The following PARN variants were observed in gnomAD, a reference collection of about 807,000 sequenced individuals.
The protein encoded by PARN is poly(A)-specific ribonuclease.
Under a neutral mutation model 102.8 loss-of-function variants are expected in PARN, and 71 were observed. That is an observed-to-expected ratio of 0.69 (90% confidence interval 0.57 to 0.84). The LOEUF is 0.84. PARN is among the 40% of genes least tolerant of loss of function. PARN has a pLI of 0.00. For synonymous variants in PARN, 261 were observed against 252.9 expected, an observed-to-expected ratio of 1.03 and a Z score of -0.30; for missense variants, 782 against 760.9, an observed-to-expected ratio of 1.03 and a Z score of -0.33.
intron 22 of PARN, among the ~76,000 whole-genome samples, chr16:14,460,746 T>C (rs954043239): frequency 6.6e-6 from 1 of 152,234 alleles, no homozygotes; most frequent in African/African-American, 2.4e-5. Flanking sequence ...ATAAAACTTA[T>C]GTCTATATAA....
At chr16:14,620,311 A>G (rs1488040106) in intron 5 of PARN, among the ~76,000 whole-genome samples, 1 of 152,172 alleles carries the variant, frequency 6.6e-6, no homozygotes. Flanking sequence ...AGGGAGGCGG[A>G]GCTTGCAGTG....
chr16:14,604,043 T>C (rs1431345891), intron 11 of PARN, 103 bp downstream of exon 11: 1 of 777,972 alleles, frequency 1.3e-6, no homozygotes, highest in Non-Finnish European at 2.2e-6. Context: ...GAAAGAAAAC[T>C]ATTCATTAAA....
At chr16:14,547,886 T>A (rs373528699) in intron 21 of PARN, among the ~76,000 whole-genome samples, 2 of 152,128 alleles carry the variant, frequency 1.3e-5, no homozygotes, top group African/African-American at 4.8e-5. Context: ...ATTTTCTCAA[T>A]GTTACATTAT....
At chr16:14,457,569 G>C (rs1255686040) in intron 22 of PARN, among the ~76,000 whole-genome samples, 2 of 151,990 alleles carry the variant, frequency 1.3e-5, no homozygotes, top group Admixed American at 6.6e-5. Flanking sequence ...GGAGGCCGAG[G>C]TGGGCAGATC....
intron 21 of PARN, among the ~76,000 whole-genome samples, chr16:14,542,049 G>T (rs1173835332): frequency 6.6e-6 from 1 of 152,092 alleles, no homozygotes; most frequent in African/African-American, 2.4e-5. Flanking sequence ...CTGTCACCCA[G>T]GCTGGAGTGC....
intron 16 of PARN, 69 bp from the exon 17 acceptor site, chr16:14,582,360 A>G: frequency 1.0e-6 from 1 of 982,576 alleles, no homozygotes; most frequent in African/African-American, 1.6e-5. Context: ...ACCAATCAAA[A>G]TTGCATTAGC....
At chr16:14,531,534 C>T (rs572976976) in intron 21 of PARN, among the ~76,000 whole-genome samples, 1 of 152,256 alleles carries the variant, frequency 6.6e-6, no homozygotes, top group South Asian at 2.1e-4. Flanking sequence ...TGGCAGGTTC[C>T]CAGATAAATT....
chr16:14,552,743 G>GT (rs1336816983), intron 20 of PARN, among the ~76,000 whole-genome samples: 1 of 152,164 alleles, frequency 6.6e-6, no homozygotes, highest in Non-Finnish European at 1.5e-5. Flanking sequence ...GAGGTCAGGA[G>GT]TTTGAGACCA....
intron 21 of PARN, among the ~76,000 whole-genome samples, chr16:14,519,472 C>T (rs1965628738): frequency 6.6e-6 from 1 of 152,020 alleles, no homozygotes; most frequent in South Asian, 2.1e-4. Context: ...TGCCATTTTC[C>T]TTGAAAGGAA....
chr16:14,540,489 A>T (rs868650273), intron 21 of PARN, among the ~76,000 whole-genome samples: 2 of 152,132 alleles, frequency 1.3e-5, no homozygotes, highest in Admixed American at 1.3e-4. Flanking sequence ...GATATAATAC[A>T]TATATATATC....
intron 22 of PARN, among the ~76,000 whole-genome samples, chr16:14,451,876 A>C: frequency 2.6e-5 from 3 of 113,366 alleles, no homozygotes; most frequent in Non-Finnish European, 3.6e-5. Flanking sequence ...ATACAAAAAA[A>C]AAAAAAAAAA....
rs1415390022 is a variant in PARN at position 14,630,110 on chromosome 16, T to A, written c.16A>T (p.Ser6Cys). 1 of 1,561,770 alleles carries A rather than the reference T, an allele frequency of 6.4e-7. No homozygotes were observed. Among genetic ancestry groups the A allele is most frequent in the Admixed American group, 1.9e-5 (1 of 52,488 alleles). Residue 6 changes from serine to cysteine, a missense_variant, in exon 1 of 24, where the codon AGC becomes TGC. Ser to Cys is a moderately radical substitution (Grantham distance 112, BLOSUM62 -1). Coordinates refer to ENST00000437198, the MANE Select transcript of PARN (RefSeq NM_002582.4). Reference protein sequence around the residue: MEIIRSNFKSNLHKVY... With the variant: MEIIRCNFKSNLHKVY... ...GAGGTGTACGGCGGACACGCACTGCTCCTGATTATCTCCATTCTGCAGAGT... is the reference window on the plus strand; with the variant it reads ...GAGGTGTACGGCGGACACGCACTGCACCTGATTATCTCCATTCTGCAGAGT...
chr16:14,593,548 G>A (rs1970331532), intron 12 of PARN, among the ~76,000 whole-genome samples, 170 bp from the exon 13 acceptor site: 1 of 146,412 alleles, frequency 6.8e-6, no homozygotes, highest in South Asian at 2.2e-4. Flanking sequence ...ATTTGGGCTG[G>A]CTTCATTCCT....
chr16:14,532,349 G>T (rs1596594050), intron 21 of PARN, among the ~76,000 whole-genome samples: 1 of 151,470 alleles, frequency 6.6e-6, no homozygotes, highest in Non-Finnish European at 1.5e-5. Context: ...GTGTCCCTGG[G>T]TACTTGAGAT....
intron 5 of PARN, among the ~76,000 whole-genome samples, chr16:14,624,437 CT>C (rs1972513736): frequency 6.6e-6 from 1 of 152,172 alleles, no homozygotes; most frequent in African/African-American, 2.4e-5. Context: ...TTTTATTCAT[CT>C]GTTTTAGACA....
intron 10 of PARN, among the ~76,000 whole-genome samples, chr16:14,605,785 A>C (rs938073859): frequency 3.3e-5 from 5 of 152,234 alleles, no homozygotes; most frequent in Admixed American, 6.5e-5. Context: ...CTGTGTACTC[A>C]GGACAATAGC....
intron 21 of PARN, among the ~76,000 whole-genome samples, chr16:14,500,770 C>T (rs1964545586): frequency 6.6e-6 from 1 of 152,166 alleles, no homozygotes; most frequent in Non-Finnish European, 1.5e-5. Flanking sequence ...CTGAAAGCAG[C>T]TTTCATGGAA....
At chr16:14,516,826 C>A (rs1596554578) in intron 21 of PARN, among the ~76,000 whole-genome samples, 1 of 152,086 alleles carries the variant, frequency 6.6e-6, no homozygotes. Flanking sequence ...TGGTTATAAG[C>A]GTTAGCATAG....
intron 18 of PARN, among the ~76,000 whole-genome samples, chr16:14,568,776 T>G (rs1015992283): frequency 3.9e-4 from 59 of 151,720 alleles, no homozygotes; most frequent in Admixed American, 2.1e-3. Context: ...GCGCCTGTAG[T>G]CCCAGCTACT....
Sources: gnomAD v4.1 joint callset for allele counts (sites outside exome capture counted in the v4.1 genomes callset) on GRCh38, gnomAD v4.1.1 for gene constraint, MANE v1.5 for transcripts, NCBI Gene and HGNC (gene_info 2026-07-23, HGNC 2026-07-21) for gene names.